The following SMIM10L3 variants were observed in gnomAD, a reference collection of about 807,000 sequenced individuals.
SMIM10L3 encodes the protein small integral membrane protein 10 like 3.
chr7:6,338,155 C>G, the SMIM10L3 span, among the ~76,000 whole-genome samples: 7 of 152,192 alleles, frequency 4.6e-5, no homozygotes, highest in Admixed American at 6.5e-5. Context: ...CAGCCCTCAA[C>G]TAACCTCTTC....
At chr7:6,339,769 C>T in the SMIM10L3 span, among the ~76,000 whole-genome samples, 4 of 152,076 alleles carry the variant, frequency 2.6e-5, no homozygotes, top group Admixed American at 2.6e-4. Flanking sequence ...CTGTGCCCAG[C>T]CGTACCCCTC....
chr7:6,330,684 G>C, the SMIM10L3 span: 1 of 1,614,102 alleles, frequency 6.2e-7, no homozygotes, highest in Non-Finnish European at 8.5e-7. Flanking sequence ...CTTTTTGATG[G>C]CGTGGCAGTC....
chr7:6,330,581 G>T, the SMIM10L3 span: 8 of 1,614,054 alleles, frequency 5.0e-6, no homozygotes, highest in Non-Finnish European at 6.8e-6. Flanking sequence ...GTTGCAGACA[G>T]GATGGAGTGC....
chr7:6,347,023 T>C, the SMIM10L3 span, among the ~76,000 whole-genome samples: 1 of 152,130 alleles, frequency 6.6e-6, no homozygotes. Flanking sequence ...AACCTTTCCT[T>C]CCACTAGAAA....
chr7:6,338,224 T>C, the SMIM10L3 span, among the ~76,000 whole-genome samples: 3 of 152,210 alleles, frequency 2.0e-5, no homozygotes, highest in Admixed American at 6.6e-5. Context: ...AACTTCTAAA[T>C]AATTTCTAGG....
the SMIM10L3 span, among the ~76,000 whole-genome samples, chr7:6,340,172 A>G: frequency 6.6e-6 from 1 of 152,096 alleles, no homozygotes; most frequent in African/African-American, 2.4e-5. Context: ...GGCATGAGCT[A>G]CCGCGCCCGG....
chr7:6,330,249 T>G, the SMIM10L3 span: 51 of 926,618 alleles, frequency 5.5e-5, no homozygotes, highest in African/African-American at 8.0e-4. Flanking sequence ...ACTTTAAGTC[T>G]GCCAGGTCGT....
chr7:6,336,155 A>G, the SMIM10L3 span, among the ~76,000 whole-genome samples: 1 of 145,522 alleles, frequency 6.9e-6, no homozygotes, highest in Non-Finnish European at 1.5e-5. Flanking sequence ...CCTGGGCAAC[A>G]GAGTGAGATT....
chr7:6,345,986 C>T, the SMIM10L3 span, among the ~76,000 whole-genome samples: 1 of 152,164 alleles, frequency 6.6e-6, no homozygotes, highest in Non-Finnish European at 1.5e-5. Context: ...CCAGGCTGGT[C>T]TTAAACTCCT....
the SMIM10L3 span, chr7:6,331,100 C>T: frequency 1.5e-5 from 25 of 1,613,274 alleles, no homozygotes; most frequent in Middle Eastern, 3.3e-4. Context: ...TCACCTCCTC[C>T]GGCCTGCTGC....
chr7:6,331,246 G>C, the SMIM10L3 span: 2 of 1,307,262 alleles, frequency 1.5e-6, no homozygotes, highest in Non-Finnish European at 2.1e-6. Context: ...CTAGGAAAGG[G>C]AATCAAATTA....
chr7:6,342,301 C>G, the SMIM10L3 span, among the ~76,000 whole-genome samples: 1 of 151,724 alleles, frequency 6.6e-6, no homozygotes, highest in Non-Finnish European at 1.5e-5. Flanking sequence ...TCCCAGCACT[C>G]TGGGAGGCCG....
chr7:6,342,644 AGC>A, the SMIM10L3 span, among the ~76,000 whole-genome samples: 2 of 152,202 alleles, frequency 1.3e-5, no homozygotes, highest in Non-Finnish European at 2.9e-5. Context: ...GTCCACACAA[AGC>A]TTACATGCAA....
chr7:6,340,428 A>G, the SMIM10L3 span, among the ~76,000 whole-genome samples: 1 of 152,124 alleles, frequency 6.6e-6, no homozygotes, highest in Non-Finnish European at 1.5e-5. Flanking sequence ...CAACATGGGT[A>G]AGTACACTTC....
chr7:6,345,446 C>T, the SMIM10L3 span, among the ~76,000 whole-genome samples: 1 of 152,018 alleles, frequency 6.6e-6, no homozygotes, highest in Admixed American at 6.6e-5. Context: ...GAAGTTGCCT[C>T]TGATTGCTTG....
chr7:6,330,534 C>A, the SMIM10L3 span: 1 of 1,614,136 alleles, frequency 6.2e-7, no homozygotes, highest in East Asian at 2.2e-5. Context: ...TGCGTTTTGT[C>A]TCCTCACTCA....
At chr7:6,334,126 G>T in the SMIM10L3 span, among the ~76,000 whole-genome samples, 1 of 151,374 alleles carries the variant, frequency 6.6e-6, no homozygotes, top group Non-Finnish European at 1.5e-5. Flanking sequence ...GATTACAAGC[G>T]TGAGCCACCG....
the SMIM10L3 span, among the ~76,000 whole-genome samples, chr7:6,346,088 T>G: frequency 6.6e-6 from 1 of 151,888 alleles, no homozygotes; most frequent in Non-Finnish European, 1.5e-5. Flanking sequence ...TTTTTAAAAA[T>G]CCGGATTGGA....
At chr7:6,345,662 G>A in the SMIM10L3 span, among the ~76,000 whole-genome samples, 3 of 152,158 alleles carry the variant, frequency 2.0e-5, no homozygotes, top group South Asian at 4.1e-4. Flanking sequence ...TGCAAATTAC[G>A]TTACTCTAGA....
Sources: allele counts gnomAD v4.1 joint callset (sites outside exome capture counted in the v4.1 genomes callset), GRCh38; gene constraint gnomAD v4.1.1; transcripts MANE v1.5; gene names NCBI Gene and HGNC (gene_info 2026-07-23, HGNC 2026-07-21).